AGBL4: variants seen among roughly 807,000 people sequenced by gnomAD.
AGBL4 encodes the protein AGBL carboxypeptidase 4.
A neutral mutation model predicts 66.4 loss-of-function variants in AGBL4; 58 were observed. The observed-to-expected ratio is 0.87, with a 90% CI of 0.71 to 1.09. The LOEUF is 1.09. Ranked by LOEUF, AGBL4 falls within the 50% of genes least tolerant of loss-of-function variation. The pLI, the probability that AGBL4 is intolerant of heterozygous loss-of-function variation, is 0.00. For missense variants in AGBL4, 579 were observed against 631.0 expected (o/e 0.92, Z 0.88); for synonymous variants, 234 against 222.9 (o/e 1.05, Z -0.44).
At chr1:49,363,624 T>C (rs973583419) in intron 3 of AGBL4, among the ~76,000 whole-genome samples, 9 of 152,196 alleles carry the variant, frequency 5.9e-5, no homozygotes, top group African/African-American at 1.9e-4. Flanking sequence ...GTGGATATAT[T>C]TGAAGTTCTC....
intron 3 of AGBL4, among the ~76,000 whole-genome samples, chr1:49,623,110 G>C (rs1427843408): frequency 6.6e-6 from 1 of 152,186 alleles, no homozygotes; most frequent in Non-Finnish European, 1.5e-5. Flanking sequence ...TACAGGGAAA[G>C]AGAAATAGAT....
At chr1:48,711,588 T>C (rs1389615495) in intron 6 of AGBL4, among the ~76,000 whole-genome samples, 1 of 152,120 alleles carries the variant, frequency 6.6e-6, no homozygotes, top group African/African-American at 2.4e-5. Context: ...CAATTGCTGC[T>C]CACCCCCGGG....
intron 2 of AGBL4, among the ~76,000 whole-genome samples, chr1:49,736,593 C>T (rs979022315): frequency 6.6e-6 from 1 of 151,948 alleles, no homozygotes; most frequent in Admixed American, 6.6e-5. Context: ...AAAGTAGTGT[C>T]GACATCAACC....
At chr1:49,881,886 G>C (rs1481111347) in intron 1 of AGBL4, among the ~76,000 whole-genome samples, 1 of 151,986 alleles carries the variant, frequency 6.6e-6, no homozygotes, top group African/African-American at 2.4e-5. Context: ...AAGCTCTTTA[G>C]TTTAATTAGA....
intron 6 of AGBL4, among the ~76,000 whole-genome samples, chr1:48,861,596 G>T (rs1193525711): frequency 6.6e-6 from 1 of 152,094 alleles, no homozygotes; most frequent in African/African-American, 2.4e-5. Context: ...TGAAAAAATA[G>T]GCATACTTCT....
At chr1:48,610,738 T>G (rs1645225223) in intron 9 of AGBL4, among the ~76,000 whole-genome samples, 1 of 152,162 alleles carries the variant, frequency 6.6e-6, no homozygotes, top group South Asian at 2.1e-4. Context: ...TAACTTTTAC[T>G]TTCCCAGTGG....
At chr1:49,665,257 A>G (rs920192908) in intron 3 of AGBL4, among the ~76,000 whole-genome samples, 9 of 152,164 alleles carry the variant, frequency 5.9e-5, no homozygotes, top group Admixed American at 2.6e-4. Flanking sequence ...AAGCAAGACT[A>G]AAGTTTAAAG....
chr1:48,745,079 A>G (rs1240450901), intron 6 of AGBL4, among the ~76,000 whole-genome samples: 1 of 152,218 alleles, frequency 6.6e-6, no homozygotes, highest in Non-Finnish European at 1.5e-5. Flanking sequence ...TAGACTATAA[A>G]GCTCTTCAAG....
chr1:48,825,912 G>C (rs1196805021), intron 6 of AGBL4, among the ~76,000 whole-genome samples: 4 of 152,126 alleles, frequency 2.6e-5, no homozygotes, highest in Admixed American at 6.5e-5. Flanking sequence ...GAAGATTTAG[G>C]GGGGAAGAAA....
intron 1 of AGBL4, among the ~76,000 whole-genome samples, chr1:49,864,639 T>C (rs2148094452): frequency 6.6e-6 from 1 of 152,268 alleles, no homozygotes; most frequent in South Asian, 2.1e-4. Flanking sequence ...TGGGAAGCCA[T>C]GCTTTTTCCA....
At chr1:48,942,980 T>C (rs1335743177) in intron 5 of AGBL4, among the ~76,000 whole-genome samples, 1 of 152,242 alleles carries the variant, frequency 6.6e-6, no homozygotes, top group African/African-American at 2.4e-5. Context: ...GATTCACTCA[T>C]TTTAAGCAAA....
intron 3 of AGBL4, among the ~76,000 whole-genome samples, chr1:49,558,821 G>T (rs1643964895): frequency 6.6e-6 from 1 of 152,190 alleles, no homozygotes; most frequent in Admixed American, 6.5e-5. Context: ...TCCATAGTCT[G>T]TGGTGGCAGT....
intron 9 of AGBL4, among the ~76,000 whole-genome samples, chr1:48,617,262 C>T (rs1039022540): frequency 5.9e-5 from 9 of 152,138 alleles, no homozygotes; most frequent in Non-Finnish European, 1.2e-4. Flanking sequence ...TCAAAATGAA[C>T]CGCAGCAAAA....
chr1:49,783,893 T>C (rs946207413), intron 2 of AGBL4, among the ~76,000 whole-genome samples: 5 of 152,094 alleles, frequency 3.3e-5, no homozygotes, highest in African/African-American at 4.8e-5. Flanking sequence ...AGAAAACAAT[T>C]ACATTGGCAA....
intron 2 of AGBL4, among the ~76,000 whole-genome samples, chr1:49,818,742 A>G (rs1049684237): frequency 6.6e-6 from 1 of 152,064 alleles, no homozygotes; most frequent in African/African-American, 2.4e-5. Context: ...AATCCCCAAA[A>G]CACAGCACCA....
At chr1:48,658,929 C>T (rs760061720) in intron 7 of AGBL4, among the ~76,000 whole-genome samples, 5 of 151,996 alleles carry the variant, frequency 3.3e-5, no homozygotes, top group Non-Finnish European at 5.9e-5. Flanking sequence ...GAGTGAACTT[C>T]CTGGGAGAGG....
intron 10 of AGBL4, among the ~76,000 whole-genome samples, chr1:48,590,543 G>A (rs935467303): frequency 1.3e-5 from 2 of 152,024 alleles, no homozygotes; most frequent in African/African-American, 2.4e-5. Context: ...GTGACAGAGC[G>A]AGATCCTGTC....
At chr1:49,433,946 A>G (rs1010876058) in intron 3 of AGBL4, among the ~76,000 whole-genome samples, 1 of 152,212 alleles carries the variant, frequency 6.6e-6, no homozygotes, top group African/African-American at 2.4e-5. Flanking sequence ...CTTATAATCC[A>G]ACATCAGAGT....
intron 6 of AGBL4, among the ~76,000 whole-genome samples, chr1:48,694,279 G>T (rs1311439898): frequency 6.6e-6 from 1 of 152,104 alleles, no homozygotes; most frequent in Non-Finnish European, 1.5e-5. Flanking sequence ...ATGAATATCT[G>T]TATCTGACTA....
Sources: allele counts gnomAD v4.1 joint callset (sites outside exome capture counted in the v4.1 genomes callset), GRCh38; gene constraint gnomAD v4.1.1; transcripts MANE v1.5; gene names NCBI Gene and HGNC (gene_info 2026-07-23, HGNC 2026-07-21).